Variants in SUSD6 observed in about 807,000 individuals in gnomAD.
SUSD6 encodes sushi domain containing 6.
A neutral mutation model predicts 28.4 loss-of-function variants in SUSD6; 16 were observed. The observed-to-expected ratio is 0.56, with a 90% CI of 0.38 to 0.86. The LOEUF is 0.86. SUSD6 is among the 40% of genes least tolerant of loss of function. SUSD6 has a pLI of 0.00. For synonymous variants in SUSD6, 147 were observed against 159.6 expected (o/e 0.92, Z 0.59); for missense variants, 341 against 384.2 (o/e 0.89, Z 0.94).
At chr14:69,644,540 C>T (rs1196033338) in intron 1 of SUSD6, among the ~76,000 whole-genome samples, 1 of 151,954 alleles carries the variant, frequency 6.6e-6, no homozygotes, top group Non-Finnish European at 1.5e-5. Flanking sequence ...GTCCCAGCTA[C>T]TCGGGAGGCT....
chr14:69,693,109 A>G (rs1202715389), intron 2 of SUSD6, among the ~76,000 whole-genome samples: 2 of 152,194 alleles, frequency 1.3e-5, no homozygotes, highest in African/African-American at 4.8e-5. Flanking sequence ...TCATCCCACC[A>G]TCTGGAGGTG....
At chr14:69,625,992 C>T (rs941906643) in intron 1 of SUSD6, among the ~76,000 whole-genome samples, 1 of 152,170 alleles carries the variant, frequency 6.6e-6, no homozygotes, top group Non-Finnish European at 1.5e-5. Context: ...TGGTGTTCCA[C>T]CTGCTCCCAG....
intron 1 of SUSD6, among the ~76,000 whole-genome samples, chr14:69,649,816 A>G (rs951364303): frequency 6.6e-6 from 1 of 152,160 alleles, no homozygotes; most frequent in Non-Finnish European, 1.5e-5. Flanking sequence ...CCAAACTAAG[A>G]TGGGAACTAA....
intron 4 of SUSD6, 52 bp downstream of exon 4, chr14:69,704,794 TG>T (rs34781762): frequency 4.9e-5 from 78 of 1,588,276 alleles, no homozygotes; most frequent in Non-Finnish European, 6.6e-5. Flanking sequence ...AGCATTACTG[TG>T]GGGGCCAGTC....
At chr14:69,629,061 G>T (rs1264870908) in intron 1 of SUSD6, among the ~76,000 whole-genome samples, 1 of 152,072 alleles carries the variant, frequency 6.6e-6, no homozygotes, top group African/African-American at 2.4e-5. Context: ...AAAGTTGGGT[G>T]GGGGATGAGG....
chr14:69,615,154 T>C (rs138651351), intron 1 of SUSD6, among the ~76,000 whole-genome samples: 1 of 152,342 alleles, frequency 6.6e-6, no homozygotes, highest in African/African-American at 2.4e-5. Flanking sequence ...ACTTGAATGT[T>C]GAGGATTAGG....
At chr14:69,654,087 T>C (rs753006475) in intron 1 of SUSD6, among the ~76,000 whole-genome samples, 8 of 152,212 alleles carry the variant, frequency 5.3e-5, no homozygotes, top group Non-Finnish European at 1.0e-4. Context: ...CAGGATGGAA[T>C]TGGTTCCTCG....
chr14:69,679,852 T>A (rs1169156747), intron 2 of SUSD6, among the ~76,000 whole-genome samples: 1 of 152,218 alleles, frequency 6.6e-6, no homozygotes, highest in Admixed American at 6.5e-5. Context: ...CTCGTAGAAG[T>A]TTTGGAAAGT....
chr14:69,624,210 A>G (rs1322530989), intron 1 of SUSD6, among the ~76,000 whole-genome samples: 1 of 152,234 alleles, frequency 6.6e-6, no homozygotes, highest in Non-Finnish European at 1.5e-5. Flanking sequence ...TGCCTACAGT[A>G]TTCAGTAACA....
At chr14:69,708,576 T>G in intron 4 of SUSD6, 101 bp from the exon 5 acceptor site, 1 of 972,696 alleles carries the variant, frequency 1.0e-6, no homozygotes, top group Non-Finnish European at 1.5e-6. Flanking sequence ...TGGCACATAG[T>G]AAGTGCTCAA....
At chr14:69,698,021 A>G (rs892766179) in intron 2 of SUSD6, among the ~76,000 whole-genome samples, 5 of 152,224 alleles carry the variant, frequency 3.3e-5, no homozygotes, top group Non-Finnish European at 7.3e-5. Flanking sequence ...GTAAAGTGAT[A>G]GCAAGTTGAT....
intron 1 of SUSD6, among the ~76,000 whole-genome samples, chr14:69,628,819 C>G (rs1885153477): frequency 6.6e-6 from 1 of 150,768 alleles, no homozygotes; most frequent in South Asian, 2.1e-4. Context: ...CTCCCCACCT[C>G]AGCCCCCAAC....
At chr14:69,669,578 C>T (rs542494356) in intron 2 of SUSD6, among the ~76,000 whole-genome samples, 7 of 152,320 alleles carry the variant, frequency 4.6e-5, no homozygotes, top group African/African-American at 1.7e-4. Flanking sequence ...CTTCCTCTAC[C>T]TCTACGTCTG....
Position 69,658,636 on chromosome 14 carries a change from C to T in SUSD6, c.44C>T (p.Ala15Val). ...GCACCAAAGAGCACCTCAGTGTTTG[C>T]CGTGGCCTCCGTGGGACATGGAGTG... ...RIAPKSTSVF[A>V]VASVGHGVFL... is the part of the protein sequence containing the mutation. The change falls in exon 2 of 6, where the codon GCC becomes GTC. Residue 15 changes from alanine (A) to valine (V), a missense_variant. Coordinates refer to ENST00000342745, the MANE Select transcript of SUSD6 (RefSeq NM_014734.4). The T allele has an allele frequency of 1.2e-6, 2 of 1,614,080 alleles. No homozygotes were observed. Among genetic ancestry groups the T allele is most frequent in the Non-Finnish European group, 1.7e-6 (2 of 1,179,938 alleles).
chr14:69,624,703 C>T (rs1464183101), intron 1 of SUSD6, among the ~76,000 whole-genome samples: 1 of 152,146 alleles, frequency 6.6e-6, no homozygotes, highest in Non-Finnish European at 1.5e-5. Flanking sequence ...GATCCACCTG[C>T]CTTGGCCTCC....
chr14:69,684,602 C>T (rs867628864), intron 2 of SUSD6, among the ~76,000 whole-genome samples: 23 of 152,218 alleles, frequency 1.5e-4, no homozygotes, highest in African/African-American at 4.6e-4. Flanking sequence ...TGTCCCTGGG[C>T]TGGGCCTGCT....
At chr14:69,681,227 AT>A (rs1885993091) in intron 2 of SUSD6, among the ~76,000 whole-genome samples, 2 of 152,220 alleles carry the variant, frequency 1.3e-5, no homozygotes, top group South Asian at 4.1e-4. Flanking sequence ...CATCTGTCAT[AT>A]TTTAAAAATG....
chr14:69,678,051 T>C (rs1208732038), intron 2 of SUSD6, among the ~76,000 whole-genome samples: 1 of 152,202 alleles, frequency 6.6e-6, no homozygotes, highest in Non-Finnish European at 1.5e-5. Flanking sequence ...TTTCTGTTTT[T>C]GGATACTTAA....
rs74060292 is a variant in SUSD6, at chr14:69,707,200, T to G, written c.459-1477T>G. On this transcript the variant is annotated intron_variant, in intron 4 of 5. Transcript: ENST00000342745. The stretch of plus-strand genomic sequence containing the variant: ...AGTTAGGAAAATTTGTGTTATTGTA[T>G]TACACCAATGTTAAATTTCTGGGAT... Among the ~76,000 whole-genome samples the G allele has an allele frequency of 7.5e-3, 1,138 of 152,296 alleles. 21 individuals are homozygous for G. Among genetic ancestry groups the G allele is most frequent in the African/African-American group, 0.026 (1,081 of 41,544 alleles).
Sources: gnomAD v4.1 joint callset for allele counts (sites outside exome capture counted in the v4.1 genomes callset) on GRCh38, gnomAD v4.1.1 for gene constraint, MANE v1.5 for transcripts, NCBI Gene and HGNC (gene_info 2026-07-23, HGNC 2026-07-21) for gene names.